Variants in HIVEP1 observed in about 807,000 individuals in gnomAD.
HIVEP1 encodes HIVEP zinc finger 1.
HIVEP1 carries 36 observed loss-of-function variants against 180.0 expected under a neutral mutation model. That is an observed-to-expected ratio of 0.20 (90% CI 0.15 to 0.26). The LOEUF is 0.26. Ranked by LOEUF, HIVEP1 falls within the 10% of genes least tolerant of loss-of-function variation. The pLI is 1.00. For missense variants in HIVEP1, 3,143 were observed against 3,268.7 expected, an observed-to-expected ratio of 0.96 and a Z score of 0.94; for synonymous variants, 1,239 against 1,239.0, an observed-to-expected ratio of 1.00 and a Z score of 0.00.
chr6:12,031,834 A>G (rs1258342730), intron 2 of HIVEP1, among the ~76,000 whole-genome samples: 1 of 152,090 alleles, frequency 6.6e-6, no homozygotes, highest in Non-Finnish European at 1.5e-5. Context: ...GTCACTCCTC[A>G]CTTTGTCCTT....
chr6:12,182,879 T>G, the HIVEP1 span, among the ~76,000 whole-genome samples: 1 of 152,184 alleles, frequency 6.6e-6, no homozygotes, highest in African/African-American at 2.4e-5. Context: ...TGACACTGTG[T>G]GCATGAGTAC....
chr6:12,178,873 C>G, the HIVEP1 span, among the ~76,000 whole-genome samples: 1 of 152,044 alleles, frequency 6.6e-6, no homozygotes, highest in Non-Finnish European at 1.5e-5. Flanking sequence ...TCTGAATAAA[C>G]GACAGTATTT....
chr6:12,107,468 G>A (rs577286416), intron 3 of HIVEP1, among the ~76,000 whole-genome samples: 1 of 152,346 alleles, frequency 6.6e-6, no homozygotes, highest in East Asian at 1.9e-4. Context: ...GGCTGTTGCT[G>A]TGTCCAGAAT....
At chr6:12,029,382 C>G (rs1768789574) in intron 2 of HIVEP1, among the ~76,000 whole-genome samples, 1 of 152,190 alleles carries the variant, frequency 6.6e-6, no homozygotes, top group African/African-American at 2.4e-5. Context: ...CTTTTTCATC[C>G]AGTCCGACAA....
chr6:12,167,240 A>C (rs998716429), downstream of HIVEP1, among the ~76,000 whole-genome samples: 1 of 152,094 alleles, frequency 6.6e-6, no homozygotes, highest in Admixed American at 6.6e-5. Context: ...TATGGAAAAT[A>C]ATCATTATTT....
At position 12,122,845 on chromosome 6, in the gene HIVEP1, G is replaced by T. The variant is rs200136611; in HGVS notation, c.3050G>T (p.Gly1017Val). The change falls in exon 4 of 9, where the codon GGG (glycine) becomes GTG (valine). Residue 1017 changes from glycine (G) to valine (V), a missense_variant. Transcript: ENST00000379388. ...CAGATTCTACACTACAGAGTCGCTG[G>T]GTCCTCCGGCATCTGGGAACAGACG... ...QPQILHYRVA[G>V]SSGIWEQTPQ... The T allele has an allele frequency of 1.8e-5, 29 of 1,614,112 alleles. No individual in the cohort carries two copies. The African/African-American group carries it at 2.4e-4, about 13-fold the overall frequency.
Position 12,122,166 on chromosome 6 carries a change from T to A in HIVEP1, c.2371T>A (p.Ser791Thr). The change falls in exon 4 of 9, where the codon TCT becomes ACT. Residue 791 changes from serine to threonine, a missense_variant. Around this residue, in one of 12 missense-constraint regions of HIVEP1, gnomAD observed 32 missense variants for 70.0 expected, o/e 0.46. Coordinates refer to ENST00000379388, the MANE Select transcript of HIVEP1 (RefSeq NM_002114.4). ...CCCCAAATCATACATATTTAAAGAT[T>A]CTTTCCAGTTTGATTTAAAACCAGT... is the stretch of plus-strand genomic sequence containing the variant. ...DSPKSYIFKDSFQFDLKPVGR... is the reference protein window; with the variant it reads ...DSPKSYIFKDTFQFDLKPVGR... 2 of 1,614,180 alleles carry A rather than the reference T, an allele frequency of 1.2e-6. No homozygotes were observed. The highest frequency in any genetic ancestry group is 1.7e-6 in the Non-Finnish European group (2 of 1,180,014).
intron 3 of HIVEP1, among the ~76,000 whole-genome samples, chr6:12,103,026 T>C (rs1056462519): frequency 6.6e-6 from 1 of 151,924 alleles, no homozygotes; most frequent in Non-Finnish European, 1.5e-5. Context: ...TGTTTATGAG[T>C]TTTTTTATGA....
At chr6:12,008,223 T>C (rs999345329), upstream of HIVEP1, 1 of 152,212 alleles carries the variant, frequency 6.6e-6, no homozygotes, top group African/African-American at 2.4e-5. Flanking sequence ...TTATGGTGTA[T>C]GGAAAGCATG....
At chr6:12,062,262 G>A (rs1237890389) in intron 2 of HIVEP1, among the ~76,000 whole-genome samples, 1 of 152,076 alleles carries the variant, frequency 6.6e-6, no homozygotes, top group Non-Finnish European at 1.5e-5. Flanking sequence ...CTTAATACAT[G>A]TTAGAGATTA....
At chr6:12,202,630 T>G in the HIVEP1 span, among the ~76,000 whole-genome samples, 22 of 152,234 alleles carry the variant, frequency 1.4e-4, no homozygotes, top group Non-Finnish European at 1.8e-4. Context: ...AGTCCTTTCA[T>G]GACAGATAAA....
At chr6:12,098,651 A>C (rs1326551358) in intron 3 of HIVEP1, among the ~76,000 whole-genome samples, 1 of 152,208 alleles carries the variant, frequency 6.6e-6, no homozygotes, top group Non-Finnish European at 1.5e-5. Context: ...CAGAGAAGAG[A>C]GCAGACATGT....
intron 2 of HIVEP1, among the ~76,000 whole-genome samples, chr6:12,081,596 C>G (rs1365700065): frequency 6.6e-6 from 1 of 152,122 alleles, no homozygotes; most frequent in Non-Finnish European, 1.5e-5. Context: ...ACTCTTGATG[C>G]CCTGCTCTGC....
intron 7 of HIVEP1, among the ~76,000 whole-genome samples, chr6:12,149,904 A>G (rs1193029442): frequency 6.6e-6 from 1 of 152,204 alleles, no homozygotes; most frequent in East Asian, 1.9e-4. Context: ...CACCCTTAGC[A>G]ACAGCAGGCT....
intron 3 of HIVEP1, among the ~76,000 whole-genome samples, chr6:12,112,650 G>A (rs1363082410): frequency 6.6e-5 from 10 of 152,066 alleles, no homozygotes; most frequent in Non-Finnish European, 1.5e-4. Flanking sequence ...GCAGCCTCCT[G>A]CGCCATAGGC....
In HIVEP1 at chr6:12,135,875, A is replaced by G; in HGVS notation, c.6470A>G (p.Gln2157Arg). Residue 2157 changes from glutamine to arginine, a missense_variant, in exon 7 of 9, where the codon CAG becomes CGG. Gln to Arg is a conservative substitution (Grantham distance 43). This residue lies in a region of HIVEP1 where 126 missense variants were observed against 168.5 expected (regional missense o/e 0.75). Coordinates refer to ENST00000379388, the MANE Select transcript of HIVEP1 (RefSeq NM_002114.4). ...LGVSVGLIDEQDTEESDEKQR... is the reference protein window; with the variant it reads ...LGVSVGLIDERDTEESDEKQR... ...GTCTCAGTAGGTTTAATAGATGAAC[A>G]GGATACAGAAGAATCAGGTAAGGCT... The G allele has an allele frequency of 6.2e-7, 1 of 1,601,498 alleles. No individual in the cohort carries two copies. Among genetic ancestry groups the G allele is most frequent in the Non-Finnish European group, 8.6e-7 (1 of 1,168,802 alleles).
intron 3 of HIVEP1, among the ~76,000 whole-genome samples, chr6:12,102,951 G>T (rs1001529949): frequency 6.6e-6 from 1 of 151,728 alleles, no homozygotes; most frequent in African/African-American, 2.4e-5. Context: ...TAAATATTTT[G>T]TATTTTAATA....
Position 12,164,968 on chromosome 6 carries a change from A to T in HIVEP1, c.*507A>T, listed in dbSNP as rs1760657271. 3.0e-6 allele frequency: 1 copy of T among 337,476 alleles called. No individual in the cohort carries two copies. The highest frequency in any genetic ancestry group is 3.5e-5 in the Admixed American group (1 of 28,720). The allele number at this position is 337,476 out of a possible 1,614,324, so 20.9% of individuals were successfully genotyped here. On this transcript the variant is annotated 3_prime_UTR_variant, in exon 9 of 9. Transcript: ENST00000379388. ...TCAGACAGATTTTCTGTGTTATGAA[A>T]TGTTTCAGTAAAATATTGTTTACTG...
intron 3 of HIVEP1, among the ~76,000 whole-genome samples, chr6:12,091,060 A>G (rs1391532685): frequency 1.3e-5 from 2 of 152,146 alleles, no homozygotes; most frequent in African/African-American, 4.8e-5. Flanking sequence ...TACAGAAATT[A>G]AAAATAAAAT....
Sources: allele counts gnomAD v4.1 joint callset (sites outside exome capture counted in the v4.1 genomes callset), GRCh38; gene constraint gnomAD v4.1.1; regional missense constraint gnomAD v4.1.1; transcripts MANE v1.5; gene names NCBI Gene and HGNC (gene_info 2026-07-23, HGNC 2026-07-21).